SOX6: variants seen among roughly 807,000 people sequenced by gnomAD.
SOX6 encodes the protein SRY-box transcription factor 6, also known as transcription factor SOX-6.
In SOX6, 11 loss-of-function variants were observed where a neutral mutation model predicts 97.8. That is an observed-to-expected ratio of 0.11 (90% confidence interval 0.07 to 0.19). SOX6 has a LOEUF of 0.19. SOX6 is among the 10% of genes least tolerant of loss of function. SOX6 has a pLI of 1.00. For missense variants in SOX6, 810 were observed against 1,039.5 expected, an observed-to-expected ratio of 0.78 and a Z score of 3.04; for synonymous variants, 360 against 371.4, an observed-to-expected ratio of 0.97 and a Z score of 0.35.
At chr11:16,324,495 C>A (rs1856015627) in intron 2 of SOX6, among the ~76,000 whole-genome samples, 1 of 152,020 alleles carries the variant, frequency 6.6e-6, no homozygotes, top group African/African-American at 2.4e-5. Context: ...CATAGTCTTG[C>A]AGAAAATTTA....
chr11:16,201,928 C>T lies in SOX6; in HGVS notation c.536-14973G>A, dbSNP rs939356648. ...GATTACAGGCGTGAGCCACCGCGCC[C>T]GGCCTGCAAAGTATTTTTAAGAGAG... On this transcript the variant is annotated intron_variant, in intron 4 of 15. Transcript: ENST00000683767. 2.1e-4 allele frequency among the ~76,000 whole-genome samples: 28 copies of T among 135,436 alleles called. 2 individuals are homozygous for T. Among genetic ancestry groups the T allele is most frequent in the African/African-American group, 5.4e-4 (19 of 35,346 alleles). 88.9% of individuals were successfully genotyped at this position (135,436 alleles called of 152,430 possible).
At chr11:16,719,152 TACTTA>T (rs1388994823) in intron 2 of SOX6, among the ~76,000 whole-genome samples, 3 of 152,204 alleles carry the variant, frequency 2.0e-5, no homozygotes, top group Non-Finnish European at 4.4e-5. Context: ...TCAAAGAGTT[TACTTA>T]ACTGAGTAAT....
intron 3 of SOX6, among the ~76,000 whole-genome samples, chr11:16,644,038 G>A (rs532598840): frequency 3.0e-4 from 45 of 152,054 alleles, no homozygotes; most frequent in African/African-American, 4.6e-4. Context: ...GTTCCTATTC[G>A]GCCATCTTGG....
At chr11:16,520,583 G>A (rs1861043376) in intron 4 of SOX6, among the ~76,000 whole-genome samples, 2 of 152,224 alleles carry the variant, frequency 1.3e-5, no homozygotes, top group Non-Finnish European at 2.9e-5. Flanking sequence ...ATTTCCATCT[G>A]AGGTACCAGG....
intron 1 of SOX6, among the ~76,000 whole-genome samples, chr11:16,460,801 T>A (rs1859909246): frequency 6.6e-6 from 1 of 152,130 alleles, no homozygotes; most frequent in South Asian, 2.1e-4. Flanking sequence ...AATCCCTATG[T>A]GAGAGCCACC....
At chr11:16,522,459 C>G (rs1482955899) in intron 4 of SOX6, among the ~76,000 whole-genome samples, 2 of 151,916 alleles carry the variant, frequency 1.3e-5, no homozygotes, top group Admixed American at 1.3e-4. Flanking sequence ...CAGGCCTGCC[C>G]TAAAAGAGCT....
At chr11:16,391,922 A>G (rs1268020108) in intron 1 of SOX6, among the ~76,000 whole-genome samples, 1 of 151,748 alleles carries the variant, frequency 6.6e-6, no homozygotes, top group Non-Finnish European at 1.5e-5. Context: ...CTCAATATTT[A>G]AATACCTAAA....
rs532187937 is a variant in SOX6 at position 16,042,354 on chromosome 11, A to G, written c.1623+4160T>C. 3.3e-5 allele frequency among the ~76,000 whole-genome samples: 5 copies of G among 152,280 alleles called. No homozygotes were observed. The South Asian group carries it at 1.0e-3, about 32-fold the overall frequency. Reference sequence around the variant, plus strand: ...AGCTTTCCAGCGCCAGCAGCAACGGACACCATGGCAGGAAAGAATACCCTA... The same window carrying G: ...AGCTTTCCAGCGCCAGCAGCAACGGGCACCATGGCAGGAAAGAATACCCTA... On this transcript the variant is annotated intron_variant, in intron 12 of 15. Coordinates refer to ENST00000683767, the MANE Select transcript of SOX6 (RefSeq NM_001367873.1).
intron 4 of SOX6, among the ~76,000 whole-genome samples, chr11:16,570,332 T>C (rs996671597): frequency 6.6e-6 from 1 of 152,100 alleles, no homozygotes; most frequent in Non-Finnish European, 1.5e-5. Context: ...GGAAAAGCAT[T>C]AACATATTTA....
intron 4 of SOX6, among the ~76,000 whole-genome samples, chr11:16,592,812 G>A (rs771391840): frequency 2.6e-5 from 4 of 152,194 alleles, no homozygotes; most frequent in East Asian, 3.9e-4. Flanking sequence ...GCAAAAGAAC[G>A]TGGCAAGGCT....
chr11:16,499,907 C>T (rs1223645415), intron 4 of SOX6, among the ~76,000 whole-genome samples: 3 of 152,192 alleles, frequency 2.0e-5, no homozygotes, highest in African/African-American at 7.2e-5. Flanking sequence ...ACCATTCCTT[C>T]TGAAACTATT....
At chr11:16,570,314 G>T (rs1316805431) in intron 4 of SOX6, among the ~76,000 whole-genome samples, 1 of 151,832 alleles carries the variant, frequency 6.6e-6, no homozygotes, top group African/African-American at 2.4e-5. Context: ...ATAAATATTT[G>T]TTGACTGGGA....
intron 3 of SOX6, among the ~76,000 whole-genome samples, chr11:16,629,358 AGTTTTT>A (rs371390214): frequency 3.5e-4 from 54 of 152,230 alleles, no homozygotes; most frequent in African/African-American, 1.3e-3. Context: ...ATGATAATAT[AGTTTTT>A]GTTTTTAACT....
intron 9 of SOX6, among the ~76,000 whole-genome samples, chr11:16,060,285 C>A (rs1032385873): frequency 2.1e-4 from 32 of 151,542 alleles, no homozygotes; most frequent in African/African-American, 7.0e-4. Context: ...ATTTTACAGC[C>A]CTTTGAAGTG....
At chr11:16,075,590 A>G (rs1027427687) in intron 9 of SOX6, among the ~76,000 whole-genome samples, 3 of 152,146 alleles carry the variant, frequency 2.0e-5, no homozygotes, top group Admixed American at 6.5e-5. Context: ...CTCACTCATA[A>G]GTGGGAGCTG....
chr11:16,429,781 C>A (rs1333633217), intron 1 of SOX6, among the ~76,000 whole-genome samples: 1 of 152,014 alleles, frequency 6.6e-6, no homozygotes, highest in Non-Finnish European at 1.5e-5. Flanking sequence ...CCCTATGACA[C>A]AAGCTTACGT....
intron 3 of SOX6, among the ~76,000 whole-genome samples, chr11:16,626,481 T>C (rs1034918678): frequency 6.6e-6 from 1 of 152,218 alleles, no homozygotes. Context: ...TCAGAAAGTT[T>C]AAGTCCTCCA....
At chr11:16,059,620 T>G in intron 9 of SOX6, among the ~76,000 whole-genome samples, 1 of 152,014 alleles carries the variant, frequency 6.6e-6, no homozygotes, top group East Asian at 1.9e-4. Flanking sequence ...GTTGCTTTCT[T>G]TGGAACAATT....
At chr11:16,632,303 G>T (rs1565198749) in intron 3 of SOX6, among the ~76,000 whole-genome samples, 1 of 151,830 alleles carries the variant, frequency 6.6e-6, no homozygotes, top group Non-Finnish European at 1.5e-5. Flanking sequence ...TTCCCCCAAG[G>T]TCTGCTGGCT....
Sources: gnomAD v4.1 joint callset for allele counts (sites outside exome capture counted in the v4.1 genomes callset) on GRCh38, gnomAD v4.1.1 for gene constraint, MANE v1.5 for transcripts, NCBI Gene and HGNC (gene_info 2026-07-23, HGNC 2026-07-21) for gene names.